Variants in CDADC1 observed in about 807,000 individuals in gnomAD.
CDADC1 encodes the protein dCTP deaminase.
In CDADC1, 39 loss-of-function variants were observed where a neutral mutation model predicts 54.9. The ratio of observed to expected loss-of-function variants is 0.71; its 90% CI spans 0.55 to 0.93. CDADC1 has a LOEUF of 0.93. CDADC1 is among the 40% of genes least tolerant of loss of function. The pLI, the probability that CDADC1 is intolerant of heterozygous loss-of-function variation, is 0.00. For synonymous variants in CDADC1, 186 were observed against 204.0 expected (o/e 0.91, Z 0.75); for missense variants, 518 against 618.8 (o/e 0.84, Z 1.73).
At chr13:49,270,349 T>C (rs1952934790) in intron 5 of CDADC1, among the ~76,000 whole-genome samples, 3 of 152,090 alleles carry the variant, frequency 2.0e-5, no homozygotes, top group Non-Finnish European at 4.4e-5. Context: ...ACCTCCTGAG[T>C]AGCTTGTACT....
intron 5 of CDADC1, among the ~76,000 whole-genome samples, chr13:49,268,513 G>A (rs982186231): frequency 6.6e-6 from 1 of 151,960 alleles, no homozygotes; most frequent in African/African-American, 2.4e-5. Flanking sequence ...AAATTAGCTG[G>A]GCATGGTGGT....
At chr13:49,277,741 C>A (rs1311989875) in intron 6 of CDADC1, among the ~76,000 whole-genome samples, 2 of 151,812 alleles carry the variant, frequency 1.3e-5, no homozygotes, top group African/African-American at 2.4e-5. Flanking sequence ...AAATAAGAGC[C>A]ATTGAAGTAA....
At position 49,261,464 on chromosome 13, in the gene CDADC1, A is replaced by G. The variant is rs113181100; in HGVS notation, c.430+1941A>G. On this transcript the variant is annotated intron_variant, in intron 4 of 9. Transcript: ENST00000251108. ...TTCATCACTCATGTTCAACTGACCT[A>G]CAGTTCCTGTTTGTAGGTAATGTGG... 7.6e-4 allele frequency among the ~76,000 whole-genome samples: 116 copies of G among 152,316 alleles called. 1 individual carries two copies. The highest frequency in any genetic ancestry group is 2.5e-3 in the African/African-American group (102 of 41,568).
chr13:49,272,175 G>GTTGAT, intron 5 of CDADC1, among the ~76,000 whole-genome samples: 1 of 152,102 alleles, frequency 6.6e-6, no homozygotes, highest in East Asian at 1.9e-4. Flanking sequence ...GTAGAAAAGG[G>GTTGAT]GGCTTTTAAT....
rs112120261 is a variant in CDADC1, at chr13:49,247,981, C to T, written c.-57C>T. 6 of 1,484,600 alleles carry T rather than the reference C, an allele frequency of 4.0e-6. No individual in the cohort carries two copies. The highest frequency in any genetic ancestry group is 1.2e-5 in the South Asian group (1 of 82,740). 92.0% of individuals were successfully genotyped at this position (1,484,600 alleles called of 1,614,324 possible). A position where few individuals can be genotyped will look rare whatever the true frequency, so the allele number is the denominator to read the frequency against. ...AGGCGAGAGGCGGGGGCGCTAGGGC[C>T]GAGATCATGTCTGACTGGGAGAGGT... is the stretch of plus-strand genomic sequence containing the variant. On this transcript the variant is annotated 5_prime_UTR_variant, in exon 1 of 10. Transcript: ENST00000251108.
At chr13:49,277,885 A>G (rs562385805) in intron 6 of CDADC1, among the ~76,000 whole-genome samples, 1 of 152,336 alleles carries the variant, frequency 6.6e-6, no homozygotes, top group South Asian at 2.1e-4. Flanking sequence ...AGTATTTAAA[A>G]GTTTTTGACT....
chr13:49,274,707 A>G (rs961796033), intron 6 of CDADC1, among the ~76,000 whole-genome samples: 105 of 152,088 alleles, frequency 6.9e-4, no homozygotes, highest in African/African-American at 2.3e-3. Flanking sequence ...GTAATGGTGC[A>G]TTTATGAAGA....
At chr13:49,285,737 C>CT (rs1953495150) in intron 8 of CDADC1, among the ~76,000 whole-genome samples, 1 of 152,110 alleles carries the variant, frequency 6.6e-6, no homozygotes, top group Non-Finnish European at 1.5e-5. Context: ...GAAGTTATAT[C>CT]ATTCAGGATC....
At chr13:49,263,460 G>A (rs982991001) in intron 4 of CDADC1, among the ~76,000 whole-genome samples, 2 of 152,156 alleles carry the variant, frequency 1.3e-5, no homozygotes, top group Admixed American at 1.3e-4. Context: ...GCCATTCTAA[G>A]TGCAAGACAG....
At chr13:49,275,187 G>A (rs944501510) in intron 6 of CDADC1, among the ~76,000 whole-genome samples, 5 of 151,128 alleles carry the variant, frequency 3.3e-5, no homozygotes, top group African/African-American at 1.2e-4. Context: ...CTGGATTCAA[G>A]TGATTCTCAT....
intron 8 of CDADC1, among the ~76,000 whole-genome samples, chr13:49,283,838 A>G (rs1180682440): frequency 6.6e-6 from 1 of 152,186 alleles, no homozygotes; most frequent in Admixed American, 6.5e-5. Context: ...CCATCTTCTC[A>G]TCCTTCTCAT....
At chr13:49,291,629 G>T in intron 9 of CDADC1, 55 bp from the exon 10 acceptor site, 1 of 1,563,640 alleles carries the variant, frequency 6.4e-7, no homozygotes, top group Non-Finnish European at 8.7e-7. Flanking sequence ...GCTGAAACAA[G>T]TGCCCATGGG....
At chr13:49,268,510 C>T (rs144935623) in intron 5 of CDADC1, among the ~76,000 whole-genome samples, 27 of 152,108 alleles carry the variant, frequency 1.8e-4, no homozygotes, top group South Asian at 8.3e-4. Context: ...AAAAAATTAG[C>T]TGGGCATGGT....
chr13:49,278,820 G>A (rs997895799), intron 7 of CDADC1, among the ~76,000 whole-genome samples: 1 of 152,064 alleles, frequency 6.6e-6, no homozygotes, highest in African/African-American at 2.4e-5. Context: ...CATATTTCTG[G>A]ATGTTAAGGC....
At chr13:49,273,786 T>C (rs1455489379) in intron 5 of CDADC1, among the ~76,000 whole-genome samples, 2 of 152,220 alleles carry the variant, frequency 1.3e-5, no homozygotes, top group Non-Finnish European at 2.9e-5. Flanking sequence ...TATGAGAAGT[T>C]TGAACTTTTT....
chr13:49,286,213 CT>C lies in CDADC1; in HGVS notation c.1411-8del. 3 of 1,610,476 alleles carry C rather than the reference CT, an allele frequency of 1.9e-6. No individual in the cohort carries two copies. Among genetic ancestry groups the C allele is most frequent in the Non-Finnish European group, 2.5e-6 (3 of 1,176,766 alleles). On this transcript the variant is annotated splice_polypyrimidine_tract_variant and splice_region_variant and intron_variant, in intron 8 of 9. Transcript: ENST00000251108. ...TTTAAACAAGTAAAATGTTTGTGCA[CT>C]CTTACAGTGGCAGCTGAATCCATCA...
In CDADC1 at chr13:49,291,807, TC is replaced by T; in HGVS notation, c.*51del. 1 of 1,580,884 alleles carries T rather than the reference TC, an allele frequency of 6.3e-7. No individual in the cohort carries two copies. On this transcript the variant is annotated 3_prime_UTR_variant, in exon 10 of 10. Transcript: ENST00000251108. The stretch of plus-strand genomic sequence containing the variant: ...AACCTCAAGAACTTTTCATTGCACT[TC>T]TAAAATTCAGCCTTGTTCATTCAGA...
At chr13:49,287,028 TAAAAATAC>T (rs1336313379) in intron 9 of CDADC1, among the ~76,000 whole-genome samples, 1 of 152,146 alleles carries the variant, frequency 6.6e-6, no homozygotes, top group Non-Finnish European at 1.5e-5. Context: ...TCGTCTCCAC[TAAAAATAC>T]AAAAAATAGC....
intron 8 of CDADC1, among the ~76,000 whole-genome samples, chr13:49,281,165 T>C (rs142685069): frequency 6.6e-6 from 1 of 152,230 alleles, no homozygotes; most frequent in East Asian, 1.9e-4. Flanking sequence ...ATTATTGAGT[T>C]TATTTATATG....
Sources: allele counts gnomAD v4.1 joint callset (sites outside exome capture counted in the v4.1 genomes callset), GRCh38; gene constraint gnomAD v4.1.1; transcripts MANE v1.5; gene names NCBI Gene and HGNC (gene_info 2026-07-23, HGNC 2026-07-21).